Variants in RYR3 observed in about 807,000 individuals in gnomAD.
The protein encoded by RYR3 is brain ryanodine receptor-calcium release channel.
Under a neutral mutation model 584.3 loss-of-function variants are expected in RYR3, and 207 were observed. The ratio of observed to expected loss-of-function variants is 0.35; its 90% CI spans 0.32 to 0.40. RYR3 has a LOEUF of 0.40. Ranked by LOEUF, RYR3 falls within the 10% of genes least tolerant of loss-of-function variation. RYR3 has a pLI of 1.00. For synonymous variants in RYR3, 2,416 were observed against 2,248.5 expected (o/e 1.07, Z -2.11); for missense variants, 5,616 against 6,089.2 (o/e 0.92, Z 2.59).
At chr15:33,601,679 T>A in intron 17 of RYR3, 127 bp downstream of exon 17, 1 of 965,440 alleles carries the variant, frequency 1.0e-6, no homozygotes, top group East Asian at 2.6e-5. Context: ...TACAAGTACA[T>A]AAGACAAGAC....
chr15:33,689,955 G>T (rs1454778239), intron 38 of RYR3, among the ~76,000 whole-genome samples: 1 of 152,148 alleles, frequency 6.6e-6, no homozygotes, highest in Non-Finnish European at 1.5e-5. Context: ...AGAAAATGCT[G>T]GTCAGTTAAA....
At chr15:33,714,451 G>T (rs11072635) in intron 43 of RYR3, among the ~76,000 whole-genome samples, 23 of 152,044 alleles carry the variant, frequency 1.5e-4, no homozygotes, top group African/African-American at 5.5e-4. Context: ...GCCTTGGGTT[G>T]TGTTTAACTC....
chr15:33,437,441 G>A (rs2045836418), intron 1 of RYR3, among the ~76,000 whole-genome samples: 1 of 152,192 alleles, frequency 6.6e-6, no homozygotes, highest in Non-Finnish European at 1.5e-5. Context: ...ATCTTGTTAC[G>A]ATTTACCTTT....
intron 38 of RYR3, among the ~76,000 whole-genome samples, chr15:33,684,222 C>T (rs1311930293): frequency 6.6e-6 from 1 of 152,232 alleles, no homozygotes; most frequent in Non-Finnish European, 1.5e-5. Context: ...AACTGGGAGA[C>T]ACCTCCCAGT....
At chr15:33,458,114 GGTGTGTCTGTGAGT>G (rs2047712360) in intron 1 of RYR3, among the ~76,000 whole-genome samples, 1 of 152,024 alleles carries the variant, frequency 6.6e-6, no homozygotes, top group South Asian at 2.1e-4. Context: ...ATTATTTCTG[GGTGTGTCTGTGAGT>G]GTGTTTCTGG....
At chr15:33,633,590 G>A (rs959080019) in intron 24 of RYR3, among the ~76,000 whole-genome samples, 2 of 152,186 alleles carry the variant, frequency 1.3e-5, no homozygotes, top group Non-Finnish European at 2.9e-5. Flanking sequence ...TATCAGGGAC[G>A]TTCAGGAGTG....
intron 34 of RYR3, 139 bp downstream of exon 34, chr15:33,660,562 G>T: frequency 3.4e-6 from 2 of 595,902 alleles, no homozygotes; most frequent in Non-Finnish European, 5.8e-6. Context: ...CAGTGCCTCA[G>T]TTTCTATTCC....
intron 23 of RYR3, among the ~76,000 whole-genome samples, chr15:33,632,176 G>A (rs762729053): frequency 1.3e-5 from 2 of 152,232 alleles, no homozygotes; most frequent in Non-Finnish European, 2.9e-5. Context: ...TGGATGGATT[G>A]AGCCCTGGTC....
chr15:33,415,232 A>G (rs1416098015), intron 1 of RYR3, among the ~76,000 whole-genome samples: 2 of 152,210 alleles, frequency 1.3e-5, no homozygotes, highest in Non-Finnish European at 2.9e-5. Flanking sequence ...TGATTGAACT[A>G]CCAGTCCTTT....
At chr15:33,337,993 A>G (rs1246490072) in intron 1 of RYR3, among the ~76,000 whole-genome samples, 3 of 131,056 alleles carry the variant, frequency 2.3e-5, no homozygotes, top group Non-Finnish European at 3.1e-5. Flanking sequence ...CGCCCAGGCT[A>G]GAGTGCAGTG....
chr15:33,660,544 G>C (rs1344608214), intron 34 of RYR3, 121 bp downstream of exon 34: 22 of 627,468 alleles, frequency 3.5e-5, no homozygotes, highest in Non-Finnish European at 5.2e-5. Context: ...AGTATGACTT[G>C]ATTTCCCCAG....
At position 33,554,977 on chromosome 15, in the gene RYR3, T is replaced by G. The variant is rs1023052151; in HGVS notation, c.972+4661T>G. On this transcript the variant is annotated intron_variant, in intron 10 of 103. Coordinates refer to ENST00000634891, the MANE Select transcript of RYR3 (RefSeq NM_001036.6). ...GCTTTAAATAGCCACTTTAAATGAC[T>G]ACACCATACATCTTGAATGATTGGG... Among the ~76,000 whole-genome samples the G allele has an allele frequency of 2.6e-5, 4 of 152,226 alleles. No individual in the cohort carries two copies. The East Asian group carries it at 7.7e-4, about 29-fold the overall frequency.
At chr15:33,806,355 T>C (rs2076207924) in intron 69 of RYR3, among the ~76,000 whole-genome samples, 1 of 152,146 alleles carries the variant, frequency 6.6e-6, no homozygotes, top group South Asian at 2.1e-4. Context: ...AATCTGTACA[T>C]TTCTATTAAG....
chr15:33,599,888 A>G (rs1288742193), intron 16 of RYR3, among the ~76,000 whole-genome samples: 1 of 152,208 alleles, frequency 6.6e-6, no homozygotes, highest in Non-Finnish European at 1.5e-5. Context: ...TGCTTTTTAC[A>G]GAGCCTTTTT....
chr15:33,748,589 A>C, intron 55 of RYR3, 59 bp downstream of exon 55: 1 of 1,393,840 alleles, frequency 7.2e-7, no homozygotes, highest in East Asian at 2.4e-5. Context: ...TACCTTCCAA[A>C]GAGTTAAAGG....
At chr15:33,470,255 C>T (rs938702445) in intron 1 of RYR3, among the ~76,000 whole-genome samples, 7 of 152,242 alleles carry the variant, frequency 4.6e-5, no homozygotes, top group Middle Eastern at 3.4e-3. Flanking sequence ...TTAGTACTTT[C>T]TTCTCTTTAT....
intron 1 of RYR3, among the ~76,000 whole-genome samples, chr15:33,316,108 G>A (rs1349011774): frequency 1.3e-5 from 2 of 151,660 alleles, no homozygotes; most frequent in Non-Finnish European, 2.9e-5. Flanking sequence ...TGATCTGAGG[G>A]CAAAAAAAAT....
chr15:33,796,520 G>A (rs543600124), intron 67 of RYR3, among the ~76,000 whole-genome samples: 146 of 152,242 alleles, frequency 9.6e-4, no homozygotes, highest in African/African-American at 3.3e-3. Flanking sequence ...TGTTTTTCCT[G>A]TGACTGTGCT....
At chr15:33,529,970 G>A (rs2054719419) in intron 3 of RYR3, among the ~76,000 whole-genome samples, 1 of 152,172 alleles carries the variant, frequency 6.6e-6, no homozygotes, top group African/African-American at 2.4e-5. Context: ...TGAGCAAATA[G>A]CCAAAGTGGA....
Sources: gnomAD v4.1 joint callset for allele counts (sites outside exome capture counted in the v4.1 genomes callset) on GRCh38, gnomAD v4.1.1 for gene constraint, MANE v1.5 for transcripts, NCBI Gene and HGNC (gene_info 2026-07-23, HGNC 2026-07-21) for gene names.